HPSE2: variants seen among roughly 807,000 people sequenced by gnomAD.
The protein encoded by HPSE2 is heparanase 2 (inactive).
A neutral mutation model predicts 60.5 loss-of-function variants in HPSE2; 38 were observed. The observed-to-expected ratio is 0.63, with a 90% CI of 0.48 to 0.82. HPSE2 has a LOEUF of 0.82. Among genes scored for constraint, HPSE2 ranks in the 40% least tolerant of loss-of-function variants. The probability of loss-of-function intolerance (pLI) is 0.00; values close to 1 mark genes in which losing one functional copy is unlikely to be tolerated. For synonymous variants in HPSE2, 295 were observed against 293.2 expected, an observed-to-expected ratio of 1.01 and a Z score of -0.06; for missense variants, 713 against 740.4, an observed-to-expected ratio of 0.96 and a Z score of 0.43.
intron 9 of HPSE2, among the ~76,000 whole-genome samples, chr10:98,570,910 T>A (rs1322408811): frequency 6.6e-6 from 1 of 152,204 alleles, no homozygotes; most frequent in Non-Finnish European, 1.5e-5. Context: ...TTATTGCATG[T>A]TTAAAGTTCG....
At position 99,101,661 on chromosome 10, in the gene HPSE2, C is replaced by G. The variant is rs551625628; in HGVS notation, c.610+42577G>C. Reference sequence around the variant, plus strand: ...AATAGACATCTACAGAACTCTCCACCCCAAATCAACAGAATATACATTCTT... The same window carrying G: ...AATAGACATCTACAGAACTCTCCACGCCAAATCAACAGAATATACATTCTT... On this transcript the variant is annotated intron_variant, in intron 3 of 11. Coordinates refer to ENST00000370552, the MANE Select transcript of HPSE2 (RefSeq NM_021828.5). Among the ~76,000 whole-genome samples the G allele has an allele frequency of 1.2e-4, 18 of 152,296 alleles. No individual in the cohort carries two copies. The South Asian group carries it at 3.7e-3, about 32-fold the overall frequency.
chr10:99,046,608 A>G (rs10748760), intron 3 of HPSE2, among the ~76,000 whole-genome samples: 1 of 152,088 alleles, frequency 6.6e-6, no homozygotes, highest in South Asian at 2.1e-4. Context: ...CTACTATAAA[A>G]GATCAATGAT....
intron 2 of HPSE2, among the ~76,000 whole-genome samples, chr10:99,197,377 T>C (rs550305255): frequency 6.6e-6 from 1 of 152,274 alleles, no homozygotes; most frequent in African/African-American, 2.4e-5. Flanking sequence ...ATGTGGATTG[T>C]TTGTAACTCA....
chr10:98,957,053 T>A (rs1357985602), intron 3 of HPSE2, among the ~76,000 whole-genome samples: 1 of 152,146 alleles, frequency 6.6e-6, no homozygotes, highest in Non-Finnish European at 1.5e-5. Context: ...GAAACCACCA[T>A]GATGACTAAT....
At chr10:99,137,310 T>C (rs1274326819) in intron 3 of HPSE2, among the ~76,000 whole-genome samples, 1 of 152,168 alleles carries the variant, frequency 6.6e-6, no homozygotes, top group African/African-American at 2.4e-5. Context: ...AAAATGGCCA[T>C]ACTGCCCAAA....
At chr10:98,548,542 G>T (rs180689610) in intron 9 of HPSE2, among the ~76,000 whole-genome samples, 4 of 151,958 alleles carry the variant, frequency 2.6e-5, no homozygotes, top group Non-Finnish European at 4.4e-5. Context: ...ACTTGAACCT[G>T]GGAGAGAGAG....
the HPSE2 span, among the ~76,000 whole-genome samples, chr10:99,264,156 C>T: frequency 3.8e-5 from 4 of 106,196 alleles, no homozygotes; most frequent in Non-Finnish European, 1.0e-4. Context: ...GGCGCTATCT[C>T]GGTTCACTGC....
chr10:99,050,840 C>A (rs1232564891), intron 3 of HPSE2, among the ~76,000 whole-genome samples: 1 of 151,950 alleles, frequency 6.6e-6, no homozygotes, highest in Non-Finnish European at 1.5e-5. Flanking sequence ...CCAAAGGCTG[C>A]AGAGTAGGGA....
At chr10:99,138,066 A>T (rs2135758932) in intron 3 of HPSE2, among the ~76,000 whole-genome samples, 1 of 152,370 alleles carries the variant, frequency 6.6e-6, no homozygotes, top group East Asian at 1.9e-4. Flanking sequence ...CAACCCCATC[A>T]AAAAGTAGGC....
chr10:98,813,786 C>T (rs1326567053), intron 3 of HPSE2, among the ~76,000 whole-genome samples: 1 of 152,162 alleles, frequency 6.6e-6, no homozygotes, highest in Non-Finnish European at 1.5e-5. Flanking sequence ...AAATTGCACT[C>T]TTTCTTTCAA....
intron 3 of HPSE2, among the ~76,000 whole-genome samples, chr10:98,925,316 T>C (rs1564660467): frequency 6.6e-6 from 1 of 152,128 alleles, no homozygotes; most frequent in South Asian, 2.1e-4. Context: ...ATCCCAACCA[T>C]CTTGCTCCAC....
intron 9 of HPSE2, among the ~76,000 whole-genome samples, chr10:98,612,941 C>A (rs962836808): frequency 1.3e-5 from 2 of 152,138 alleles, no homozygotes; most frequent in Non-Finnish European, 2.9e-5. Flanking sequence ...TCATCATGCC[C>A]CGGTCACCCT....
intron 3 of HPSE2, among the ~76,000 whole-genome samples, chr10:99,052,064 C>T (rs1279351562): frequency 6.6e-6 from 1 of 151,316 alleles, no homozygotes; most frequent in African/African-American, 2.4e-5. Flanking sequence ...AAAAATGTGA[C>T]CCATAATTAA....
At chr10:99,203,794 C>T (rs1848653479) in intron 2 of HPSE2, among the ~76,000 whole-genome samples, 1 of 152,070 alleles carries the variant, frequency 6.6e-6, no homozygotes, top group Non-Finnish European at 1.5e-5. Context: ...AGGCCAGCAC[C>T]CATAGCTCCA....
intron 3 of HPSE2, among the ~76,000 whole-genome samples, chr10:98,968,531 T>C (rs887114526): frequency 1.3e-5 from 2 of 152,184 alleles, no homozygotes; most frequent in African/African-American, 4.8e-5. Flanking sequence ...AGTTGTTATA[T>C]GAAAAAGACA....
intron 3 of HPSE2, among the ~76,000 whole-genome samples, chr10:99,040,175 C>A (rs963252751): frequency 6.6e-6 from 1 of 152,178 alleles, no homozygotes; most frequent in Non-Finnish European, 1.5e-5. Context: ...AAATATATCA[C>A]AGGCATCTTT....
chr10:98,859,487 T>C (rs1952401121), intron 3 of HPSE2, among the ~76,000 whole-genome samples: 1 of 152,204 alleles, frequency 6.6e-6, no homozygotes, highest in South Asian at 2.1e-4. Context: ...CATCATCTAA[T>C]CCTTTGAGAG....
At chr10:98,506,540 G>A (rs1217771994) in intron 9 of HPSE2, among the ~76,000 whole-genome samples, 7 of 152,032 alleles carry the variant, frequency 4.6e-5, no homozygotes, top group Admixed American at 4.6e-4. Flanking sequence ...TCGACCTCCT[G>A]GGCTCAAGTG....
intron 3 of HPSE2, among the ~76,000 whole-genome samples, chr10:99,073,081 T>C (rs1334438164): frequency 6.6e-6 from 1 of 151,866 alleles, no homozygotes; most frequent in African/African-American, 2.4e-5. Context: ...TCCTCAAAGA[T>C]CTAGAACCAG....
Sources: allele counts gnomAD v4.1 joint callset (sites outside exome capture counted in the v4.1 genomes callset), GRCh38; gene constraint gnomAD v4.1.1; transcripts MANE v1.5; gene names NCBI Gene and HGNC (gene_info 2026-07-23, HGNC 2026-07-21).